The following TMEM91 variants were observed in gnomAD, a reference collection of about 807,000 sequenced individuals.
TMEM91 encodes dispanin subfamily C member 3.
A neutral mutation model predicts 13.3 loss-of-function variants in TMEM91; 6 were observed. The ratio of observed to expected loss-of-function variants is 0.45; its 90% CI spans 0.25 to 0.89. The LOEUF (loss-of-function observed/expected upper bound fraction) is 0.89, where lower values mean the gene tolerates loss of function less well. Ranked by LOEUF, TMEM91 falls within the 40% of genes least tolerant of loss-of-function variation. TMEM91 has a pLI of 0.19. For missense variants in TMEM91, 193 were observed against 228.7 expected, an observed-to-expected ratio of 0.84 and a Z score of 1.01; for synonymous variants, 87 against 101.7, an observed-to-expected ratio of 0.86 and a Z score of 0.87.
chr19:41,367,296 C>CTCTT (rs901653509), intron 1 of TMEM91, among the ~76,000 whole-genome samples: 21 of 152,026 alleles, frequency 1.4e-4, no homozygotes, highest in Middle Eastern at 3.2e-3. Flanking sequence ...AGGAGGAGTA[C>CTCTT]TCTTTCTTTC....
intron 2 of TMEM91, among the ~76,000 whole-genome samples, chr19:41,382,300 C>T (rs1244659682): frequency 6.6e-6 from 1 of 152,178 alleles, no homozygotes; most frequent in Admixed American, 6.5e-5. Context: ...CACAACTTCC[C>T]TTCAAAGGGC....
At chr19:41,364,745 T>C (rs1376184888) in intron 1 of TMEM91, among the ~76,000 whole-genome samples, 1 of 151,982 alleles carries the variant, frequency 6.6e-6, no homozygotes, top group African/African-American at 2.4e-5. Flanking sequence ...CGAAGAGAAA[T>C]GAGGAACTAA....
chr19:41,380,584 G>T (rs1320669997), intron 2 of TMEM91, among the ~76,000 whole-genome samples: 1 of 151,842 alleles, frequency 6.6e-6, no homozygotes, highest in African/African-American at 2.4e-5. Context: ...AGACCAGCCT[G>T]ACCAATGTAG....
At chr19:41,368,685 C>T (rs2038567633) in intron 1 of TMEM91, among the ~76,000 whole-genome samples, 1 of 150,524 alleles carries the variant, frequency 6.6e-6, no homozygotes, top group Non-Finnish European at 1.5e-5. Context: ...GCTGGGATTA[C>T]AGGTGTGAGC....
chr19:41,379,565 GAGAA>G (rs1431252455), intron 2 of TMEM91, among the ~76,000 whole-genome samples: 2 of 148,782 alleles, frequency 1.3e-5, no homozygotes, highest in East Asian at 3.9e-4. Context: ...GAGAGAGAGA[GAGAA>G]AGAGAGAGGG....
intron 1 of TMEM91, among the ~76,000 whole-genome samples, chr19:41,370,530 C>G: frequency 6.6e-6 from 1 of 151,978 alleles, no homozygotes; most frequent in East Asian, 1.9e-4. Context: ...CTTCAGCCTC[C>G]TGAGCAGCTG....
At chr19:41,376,309 G>T (rs1028523010), upstream of TMEM91, 4 of 152,112 alleles carry the variant, frequency 2.6e-5, no homozygotes, top group African/African-American at 9.7e-5. Context: ...ACCTAACCTC[G>T]GCTTGCCAGT....
At chr19:41,383,507 AATTT>A (rs2038940992) in intron 3 of TMEM91, 1 of 1,442,274 alleles carries the variant, frequency 6.9e-7, no homozygotes, top group Admixed American at 2.5e-5. Context: ...TATTTTTTAA[AATTT>A]ATTATTATTA....
chr19:41,377,879 T>C (rs2038761335), intron 1 of TMEM91, among the ~76,000 whole-genome samples: 1 of 150,414 alleles, frequency 6.6e-6, no homozygotes, highest in South Asian at 2.1e-4. Context: ...TAGCCGGGCA[T>C]GGTGGTGGGC....
At chr19:41,380,277 G>C (rs1287758421) in intron 2 of TMEM91, among the ~76,000 whole-genome samples, 3 of 152,130 alleles carry the variant, frequency 2.0e-5, no homozygotes, top group Admixed American at 2.0e-4. Flanking sequence ...CAGTCAGGCA[G>C]CTTATGTACC....
upstream of TMEM91, among the ~76,000 whole-genome samples, chr19:41,374,635 G>C (rs1017523968): frequency 6.6e-6 from 1 of 152,144 alleles, no homozygotes; most frequent in Non-Finnish European, 1.5e-5. Flanking sequence ...TGAAGAAATA[G>C]GGGTTCAGAG....
chr19:41,364,907 C>A (rs1033550042), intron 1 of TMEM91, among the ~76,000 whole-genome samples: 10 of 152,018 alleles, frequency 6.6e-5, no homozygotes, highest in African/African-American at 2.4e-4. Flanking sequence ...AAGGGTCTCA[C>A]TCTGTCACCC....
Position 41,384,073 on chromosome 19 carries a change from T to G in TMEM91, c.*200T>G. On this transcript the variant is annotated 3_prime_UTR_variant, in exon 4 of 4. Coordinates refer to ENST00000392002, the MANE Select transcript of TMEM91 (RefSeq NM_001098821.2). ...ACCTGAGATTAAACACCAGACACCCTTGCAGCCAAACCAGAGTCTGTTCGC... is the reference window on the plus strand; with the variant it reads ...ACCTGAGATTAAACACCAGACACCCGTGCAGCCAAACCAGAGTCTGTTCGC... The G allele has an allele frequency of 2.0e-6, 2 of 977,100 alleles. No homozygotes were observed. The highest frequency in any genetic ancestry group is 2.8e-6 in the Non-Finnish European group (2 of 702,538). The allele number at this position is 977,100 out of a possible 1,614,324, so 60.5% of individuals were successfully genotyped here. A position where few individuals can be genotyped will look rare whatever the true frequency, so the allele number is the denominator to read the frequency against.
chr19:41,372,303 G>A (rs1015974438), upstream of TMEM91, among the ~76,000 whole-genome samples: 3 of 151,954 alleles, frequency 2.0e-5, no homozygotes, highest in Non-Finnish European at 2.9e-5. Flanking sequence ...CTGACATTGC[G>A]CCACTGCACT....
upstream of TMEM91, chr19:41,376,267 C>T (rs1055059235): frequency 6.6e-6 from 1 of 152,210 alleles, no homozygotes; most frequent in African/African-American, 2.4e-5. Context: ...AGTCTGCCCT[C>T]AATGAACCAA....
At chr19:41,374,865 C>T (rs2038681035), upstream of TMEM91, among the ~76,000 whole-genome samples, 1 of 152,256 alleles carries the variant, frequency 6.6e-6, no homozygotes, top group African/African-American at 2.4e-5. Flanking sequence ...TTCCTGTAAT[C>T]CTAACTACTC....
chr19:41,368,254 C>T (rs1048688672), intron 1 of TMEM91, among the ~76,000 whole-genome samples: 28 of 151,138 alleles, frequency 1.9e-4, no homozygotes, highest in African/African-American at 6.3e-4. Context: ...TCTACGAAAA[C>T]GTTTAAAAAA....
At position 41,378,407 on chromosome 19, in the gene TMEM91, C is replaced by T. The variant is rs923815119; in HGVS notation, c.98C>T (p.Ser33Phe). 6.2e-7 allele frequency: 1 copy of T among 1,614,094 alleles called. No individual in the cohort carries two copies. Among genetic ancestry groups the T allele is most frequent in the African/African-American group, 1.3e-5 (1 of 74,940 alleles). ...AAGCCTGGCAGGCATGAGCTGGGGTCCCCCTTAAGAGAGATAGCCTTTGCC... is the reference window on the plus strand; with the variant it reads ...AAGCCTGGCAGGCATGAGCTGGGGTTCCCCTTAAGAGAGATAGCCTTTGCC... ...AQKPGRHELGSPLREIAFAES... is the reference protein window; with the variant it reads ...AQKPGRHELGFPLREIAFAES... Residue 33 changes from serine to phenylalanine, a missense_variant, in exon 2 of 4, where the codon TCC (serine) becomes TTC (phenylalanine). Ser to Phe is a radical substitution (Grantham distance 155, BLOSUM62 -2). Transcript: ENST00000392002.
intron 1 of TMEM91, among the ~76,000 whole-genome samples, chr19:41,364,438 C>G (rs961409278): frequency 6.6e-6 from 1 of 152,042 alleles, no homozygotes; most frequent in Non-Finnish European, 1.5e-5. Context: ...CCTACCCCAC[C>G]GAAGAGCTCT....
Sources: allele counts gnomAD v4.1 joint callset (sites outside exome capture counted in the v4.1 genomes callset), GRCh38; gene constraint gnomAD v4.1.1; transcripts MANE v1.5; gene names NCBI Gene and HGNC (gene_info 2026-07-23, HGNC 2026-07-21).